The following JPT2 variants were observed in gnomAD, a reference collection of about 807,000 sequenced individuals.
JPT2 encodes the protein CRAMP_1 like.
A neutral mutation model predicts 15.9 loss-of-function variants in JPT2; 9 were observed. The observed-to-expected ratio is 0.57, with a 90% confidence interval of 0.34 to 0.99. The LOEUF (loss-of-function observed/expected upper bound fraction) is 0.99, where lower values mean the gene tolerates loss of function less well. JPT2 is among the 50% of genes least tolerant of loss of function. The probability of loss-of-function intolerance (pLI) is 0.02; values close to 1 mark genes in which losing one functional copy is unlikely to be tolerated. For synonymous variants in JPT2, 95 were observed against 91.7 expected (o/e 1.04, Z -0.21); for missense variants, 267 against 252.1 (o/e 1.06, Z -0.40).
chr16:1,689,154 A>G (rs994999555), intron 2 of JPT2: 5 of 152,162 alleles, frequency 3.3e-5, no homozygotes, highest in African/African-American at 7.2e-5. Flanking sequence ...CTATTTTTTA[A>G]AAATGAGTGA....
Position 1,691,926 on chromosome 16 carries a change from G to A in JPT2, c.277G>A (p.Asp93Asn), listed in dbSNP as rs145445364. Reference sequence around the variant, plus strand: ...GAACCCACCTGGAGGGAAGACCAGCGACATTTTTGGGTCTCCGGTCACTGC... The same window carrying A: ...GAACCCACCTGGAGGGAAGACCAGCAACATTTTTGGGTCTCCGGTCACTGC... ...HLNPPGGKTS[D>N]IFGSPVTATS... The change falls in exon 3 of 5, where the codon GAC (aspartate) becomes AAC (asparagine). Residue 93 changes from aspartate to asparagine, a missense_variant. Asp to Asn is a conservative substitution (Grantham distance 23, BLOSUM62 1). Coordinates refer to ENST00000248098, the MANE Select transcript of JPT2 (RefSeq NM_144570.3). 4.3e-6 allele frequency: 7 copies of A among 1,614,058 alleles called. No homozygotes were observed. In the East Asian group the frequency reaches 1.1e-4, roughly 26 times the overall value.
At chr16:1,682,555 C>T (rs2037031732) in intron 1 of JPT2, among the ~76,000 whole-genome samples, 1 of 152,044 alleles carries the variant, frequency 6.6e-6, no homozygotes, top group African/African-American at 2.4e-5. Context: ...ATCTGTAATC[C>T]CAGCTACTCA....
At position 1,698,874 on chromosome 16, in the gene JPT2, C is replaced by T; in HGVS notation, c.449C>T (p.Pro150Leu). The T allele has an allele frequency of 3.7e-6, 6 of 1,614,224 alleles. No individual in the cohort carries two copies. The highest frequency in any genetic ancestry group is 1.7e-4 in the Middle Eastern group (1 of 6,060). ...GEKGSARKAG[P>L]AKEQEPMPTV... is the part of the protein sequence containing the mutation. The stretch of plus-strand genomic sequence containing the variant: ...AAAGGCAGCGCCAGAAAAGCAGGCC[C>T]CGCCAAGGAGCAGGAGCCCATGCCC... The change falls in exon 5 of 5, where the codon CCC (proline) becomes CTC (leucine). Residue 150 changes from proline (P) to leucine (L), a missense_variant. Physicochemically the swap from Pro to Leu is moderately conservative, Grantham distance 98. Transcript: ENST00000248098. This position sits in a 1 kb window ranked among gnomAD's most constrained non-coding sequence, Gnocchi z 4.9.
At chr16:1,692,890 T>C (rs2037114014) in intron 3 of JPT2, among the ~76,000 whole-genome samples, 2 of 152,218 alleles carry the variant, frequency 1.3e-5, no homozygotes, top group African/African-American at 4.8e-5. Flanking sequence ...GTTTATATGC[T>C]GGAAGATGGC....
At chr16:1,680,307 A>G (rs2037011904) in intron 1 of JPT2, 4 of 997,138 alleles carry the variant, frequency 4.0e-6, no homozygotes, top group African/African-American at 1.7e-5. Flanking sequence ...GATGGTGTTT[A>G]TTATCACCCT....
At chr16:1,702,528 C>A (rs1392166031), downstream of JPT2, among the ~76,000 whole-genome samples, 1 of 152,228 alleles carries the variant, frequency 6.6e-6, no homozygotes, top group Non-Finnish European at 1.5e-5. Flanking sequence ...CACCTCGAGC[C>A]CCGTGCCTTG....
intron 2 of JPT2, among the ~76,000 whole-genome samples, chr16:1,691,514 C>T (rs931349910): frequency 6.6e-6 from 1 of 152,148 alleles, no homozygotes; most frequent in Admixed American, 6.5e-5. Context: ...TGAGCAGACA[C>T]TTCAACAGGA....
chr16:1,680,498 G>T (rs965556938), intron 1 of JPT2: 4 of 1,248,854 alleles, frequency 3.2e-6, no homozygotes, highest in African/African-American at 1.5e-5. Context: ...TGGATGATGA[G>T]GTATCACTGG....
Position 1,698,733 on chromosome 16 carries a change from C to T in JPT2, c.386-78C>T, listed in dbSNP as rs961718944. 2.1e-5 allele frequency: 30 copies of T among 1,442,772 alleles called. No individual in the cohort carries two copies. The highest frequency in any genetic ancestry group is 2.7e-5 in the Non-Finnish European group (29 of 1,076,104). 89.4% of individuals were successfully genotyped at this position (1,442,772 alleles called of 1,614,324 possible). On this transcript the variant is annotated intron_variant, in intron 4 of 4. Coordinates refer to ENST00000248098, the MANE Select transcript of JPT2 (RefSeq NM_144570.3). The surrounding 1 kb of genome is among the most constrained non-coding windows in gnomAD (Gnocchi z 4.9). ...TTCTTGCAGGTTGCTCTATGACACA[C>T]TTTTTATTTCCACAGCCTGCCTGTC... is the stretch of plus-strand genomic sequence containing the variant.
At chr16:1,697,921 A>G (rs1285720005) in intron 4 of JPT2, 61 bp downstream of exon 4, 1 of 1,457,804 alleles carries the variant, frequency 6.9e-7, no homozygotes, top group Non-Finnish European at 9.6e-7. Flanking sequence ...AAGAGTTGCT[A>G]GTCTCTCCTC....
intron 2 of JPT2, 83 bp from the exon 3 acceptor site, chr16:1,691,760 G>A: frequency 1.1e-5 from 16 of 1,502,516 alleles, no homozygotes; most frequent in Non-Finnish European, 1.3e-5. Flanking sequence ...TATGAGAGGA[G>A]GTCTCCAAAG....
At chr16:1,702,258 A>C, downstream of JPT2, 2 of 437,586 alleles carry the variant, frequency 4.6e-6, no homozygotes, top group South Asian at 3.2e-5. Flanking sequence ...CGCTTGAGAA[A>C]GAAAACCAAC....
chr16:1,691,535 T>C (rs1329770890), intron 2 of JPT2, among the ~76,000 whole-genome samples: 1 of 152,122 alleles, frequency 6.6e-6, no homozygotes, highest in Non-Finnish European at 1.5e-5. Flanking sequence ...AAGCATGAAA[T>C]GTTCAGGGTT....
chr16:1,679,696 CAAAAA>C (rs36037229), intron 1 of JPT2, among the ~76,000 whole-genome samples: 17 of 114,802 alleles, frequency 1.5e-4, no homozygotes, highest in East Asian at 7.4e-4. Context: ...GACTCCGTCT[CAAAAA>C]AAAAAAAAAC....
chr16:1,697,397 C>T (rs756119487), intron 3 of JPT2, among the ~76,000 whole-genome samples: 4 of 151,994 alleles, frequency 2.6e-5, no homozygotes, highest in Admixed American at 6.5e-5. Context: ...CCTGTAGTCC[C>T]CACTACTCGG....
intron 1 of JPT2, among the ~76,000 whole-genome samples, chr16:1,680,938 T>C (rs2037017717): frequency 6.6e-6 from 1 of 152,198 alleles, no homozygotes; most frequent in South Asian, 2.1e-4. Context: ...TCCCTACCTC[T>C]CCAGTGCTGC....
intron 3 of JPT2, among the ~76,000 whole-genome samples, chr16:1,695,416 A>AG (rs1324775681): frequency 1.3e-5 from 2 of 151,438 alleles, no homozygotes; most frequent in Non-Finnish European, 2.9e-5. Flanking sequence ...AAAAAAAAAA[A>AG]AAAAAATCAG....
rs189760114 is a variant in JPT2, at chr16:1,681,316, C to T, written c.44+2960C>T. On this transcript the variant is annotated intron_variant, in intron 1 of 4. Transcript: ENST00000248098. The stretch of plus-strand genomic sequence containing the variant: ...CAGTGGGACCTGTTGCCTTTGTGAC[C>T]GAGATAGCCGCTGCCCCTTGCCTGG... Among the ~76,000 whole-genome samples the T allele has an allele frequency of 3.9e-5, 6 of 152,174 alleles. No homozygotes were observed. The South Asian group carries it at 6.2e-4, about 16-fold the overall frequency.
At chr16:1,690,786 G>A (rs1208024694) in intron 2 of JPT2, among the ~76,000 whole-genome samples, 2 of 152,190 alleles carry the variant, frequency 1.3e-5, no homozygotes, top group Non-Finnish European at 2.9e-5. Context: ...GTTTTCACTG[G>A]ATGATATGTA....
Sources: allele counts gnomAD v4.1 joint callset (sites outside exome capture counted in the v4.1 genomes callset), GRCh38; gene constraint gnomAD v4.1.1; non-coding constraint Gnocchi (gnomAD v3.1); transcripts MANE v1.5; gene names NCBI Gene and HGNC (gene_info 2026-07-23, HGNC 2026-07-21).